Variants in LPO observed in about 807,000 individuals in gnomAD.
LPO encodes the protein lactoperoxidase.
Under a neutral mutation model 68.4 loss-of-function variants are expected in LPO, and 70 were observed. The observed-to-expected ratio is 1.02, with a 90% CI of 0.84 to 1.25. LPO has a LOEUF of 1.25. Ranked by LOEUF, LPO falls within the 50% of genes most tolerant of loss-of-function variation. The pLI is 0.00. For missense variants in LPO, 873 were observed against 908.4 expected (o/e 0.96, Z 0.50); for synonymous variants, 360 against 357.6 (o/e 1.01, Z -0.08).
At chr17:58,265,070 A>AC in intron 10 of LPO, 96 bp downstream of exon 10, 9 of 1,518,162 alleles carry the variant, frequency 5.9e-6, no homozygotes, top group Non-Finnish European at 7.1e-6. Context: ...AAGCACTTTT[A>AC]CATGACCTTG....
Position 58,264,848 on chromosome 17 carries a change from C to T in LPO, c.1393C>T (p.Arg465Cys), listed in dbSNP as rs554132860. The change falls in exon 10 of 13, where the codon CGC becomes TGC. Residue 465 changes from arginine (R) to cysteine (C), a missense_variant. Coordinates refer to ENST00000262290, the MANE Select transcript of LPO (RefSeq NM_006151.3). The part of the protein sequence containing the change: ...RISNVFTFAF[R>C]FGHLEVPSSM... ...TTCCAATGTCTTCACCTTCGCCTTCCGCTTTGGCCACTTGGAGGTCCCCTC... is the reference window on the plus strand; with the variant it reads ...TTCCAATGTCTTCACCTTCGCCTTCTGCTTTGGCCACTTGGAGGTCCCCTC... 38 of 1,614,242 alleles carry T rather than the reference C, an allele frequency of 2.4e-5. No homozygotes were observed. The highest frequency in any genetic ancestry group is 1.5e-4 in the Admixed American group (9 of 60,030).
In LPO at chr17:58,268,051, T is replaced by TCC; in HGVS notation, c.*58_*59insCC. The TCC allele has an allele frequency of 1.9e-6, 3 of 1,545,590 alleles. No individual in the cohort carries two copies. Among genetic ancestry groups the TCC allele is most frequent in the Non-Finnish European group, 2.7e-6 (3 of 1,122,588 alleles). On this transcript the variant is annotated 3_prime_UTR_variant, in exon 13 of 13. Coordinates refer to ENST00000262290, the MANE Select transcript of LPO (RefSeq NM_006151.3). ...GTCCACAGGGCCATTTCAAGCAAGT[T>TCC]CAATGACCTGGTCCCTTAGAGCTCC...
intron 12 of LPO, 37 bp downstream of exon 12, chr17:58,267,623 C>G: frequency 6.4e-7 from 1 of 1,562,628 alleles, no homozygotes; most frequent in Non-Finnish European, 8.7e-7. Flanking sequence ...AAGGGCAGGG[C>G]CCTTCTCCAA....
chr17:58,264,625 C>T, intron 9 of LPO, 97 bp from the exon 10 acceptor site: 1 of 1,335,600 alleles, frequency 7.5e-7, no homozygotes, highest in Non-Finnish European at 1.1e-6. Context: ...TGGTTTTCAA[C>T]AGCTCATCAC....
chr17:58,261,403 A>G (rs898987858), intron 9 of LPO, among the ~76,000 whole-genome samples: 3 of 152,146 alleles, frequency 2.0e-5, no homozygotes, highest in Admixed American at 1.3e-4. Flanking sequence ...TCTGAAGTCA[A>G]CTTTATCTGA....
At chr17:58,266,038 C>G in intron 10 of LPO, 115 bp from the exon 11 acceptor site, 1 of 981,516 alleles carries the variant, frequency 1.0e-6, no homozygotes, top group African/African-American at 1.6e-5. Flanking sequence ...CCTGGGATGT[C>G]CAGGTGACCC....
At chr17:58,262,388 G>T (rs765619148) in intron 9 of LPO, among the ~76,000 whole-genome samples, 1 of 152,052 alleles carries the variant, frequency 6.6e-6, no homozygotes, top group Non-Finnish European at 1.5e-5. Flanking sequence ...TTGTTTGTTT[G>T]TTTATTTCTT....
rs1256468659 is a variant in LPO, at chr17:58,250,503, G to A, written c.662G>A (p.Gly221Asp). The change falls in exon 7 of 13, where the codon GGT becomes GAT. Residue 221 changes from glycine to aspartate, a missense_variant. Gly to Asp is a moderately conservative substitution (Grantham distance 94). Coordinates refer to ENST00000262290, the MANE Select transcript of LPO (RefSeq NM_006151.3). ...QNRSLLFMQW[G>D]QIVDHDLDFA... is the part of the protein sequence containing the mutation. ...AGGTCCCTGCTCTTCATGCAGTGGGGTCAGATTGTGGATCATGACCTGGAC... is the reference window on the plus strand; with the variant it reads ...AGGTCCCTGCTCTTCATGCAGTGGGATCAGATTGTGGATCATGACCTGGAC... The A allele has an allele frequency of 1.9e-6, 3 of 1,614,164 alleles. No individual in the cohort carries two copies. Among genetic ancestry groups the A allele is most frequent in the East Asian group, 2.2e-5 (1 of 44,886 alleles).
Position 58,267,937 on chromosome 17 carries a change from G to A in LPO, c.2082G>A (p.Val694=). ...FWANSYPYDF[V]DCSAIDKLDL... ...CCAACAGCTACCCCTATGACTTCGT[G>A]GATTGCTCAGCCATCGACAAGCTGG... Residue 694 remains valine (V), a synonymous_variant, in exon 13 of 13, where the codon GTG becomes GTA. Transcript: ENST00000262290. 1.2e-6 allele frequency: 2 copies of A among 1,614,152 alleles called. No homozygotes were observed. The highest frequency in any genetic ancestry group is 2.2e-5 in the South Asian group (2 of 91,082).
Position 58,252,224 on chromosome 17 carries a change from A to C in LPO, c.823A>C (p.Met275Leu). Residue 275 changes from methionine (M) to leucine (L), a missense_variant, in exon 8 of 13, where the codon ATG becomes CTG. Met to Leu is a conservative substitution (Grantham distance 15, BLOSUM62 2). Coordinates refer to ENST00000262290, the MANE Select transcript of LPO (RefSeq NM_006151.3). ...CAAGGCGGGGACTCAAGGGAAATGC[A>C]TGCCTTTCTTCCGAGCTGGGTTCGT... Reference protein sequence around the residue: ...DPKAGTQGKCMPFFRAGFVCP... With the variant: ...DPKAGTQGKCLPFFRAGFVCP... 1 of 1,614,154 alleles carries C rather than the reference A, an allele frequency of 6.2e-7. No individual in the cohort carries two copies. The highest frequency in any genetic ancestry group is 1.3e-5 in the African/African-American group (1 of 75,038).
In LPO at chr17:58,249,645, C is replaced by A; in HGVS notation, c.523C>A (p.Pro175Thr). 6.3e-7 allele frequency: 1 copy of A among 1,597,022 alleles called. No homozygotes were observed. The highest frequency in any genetic ancestry group is 8.5e-7 in the Non-Finnish European group (1 of 1,176,816). Residue 175 changes from proline to threonine, a missense_variant, in exon 6 of 13, where the codon CCC (proline) becomes ACC (threonine). Transcript: ENST00000262290. ...PAEYEDGLSL[P>T]FGWTPGKTRN... ...GGAGTACGAGGACGGGCTCTCCCTG[C>A]CCTTCGGCTGGACGCCGGGGAAGAC...
At chr17:58,256,694 G>A (rs1401303292) in intron 9 of LPO, among the ~76,000 whole-genome samples, 2 of 151,794 alleles carry the variant, frequency 1.3e-5, no homozygotes, top group Non-Finnish European at 2.9e-5. Context: ...TGCGCCTGTA[G>A]TCCCAGCTAC....
chr17:58,246,368 G>A (rs957301453), intron 3 of LPO, among the ~76,000 whole-genome samples: 1 of 152,186 alleles, frequency 6.6e-6, no homozygotes, highest in Non-Finnish European at 1.5e-5. Flanking sequence ...GCAGCCCTGT[G>A]GAGAACGAAT....
intron 7 of LPO, 122 bp downstream of exon 7, chr17:58,250,743 T>G: frequency 1.1e-6 from 1 of 949,704 alleles, no homozygotes; most frequent in Non-Finnish European, 1.6e-6. Flanking sequence ...TAGTTTCCCA[T>G]GCCTCACGTG....
rs769089439 is a variant in LPO, at chr17:58,238,671, G to C, written c.-71G>C. On this transcript the variant is annotated 5_prime_UTR_variant, in exon 1 of 13. Transcript: ENST00000262290. The stretch of plus-strand genomic sequence containing the variant: ...CCCAGAAGTGAATTCTTGCTGGAAG[G>C]TATAAAAGACCAGCTCCTCCAAGCA... The C allele has an allele frequency of 2.0e-5, 3 of 152,092 alleles. No homozygotes were observed. The highest frequency in any genetic ancestry group is 4.4e-5 in the Non-Finnish European group (3 of 68,010). The allele number at this position is 152,092 out of a possible 1,614,324, so 9.4% of individuals were successfully genotyped here.
chr17:58,245,351 A>G (rs1969833734), intron 3 of LPO, among the ~76,000 whole-genome samples: 1 of 151,798 alleles, frequency 6.6e-6, no homozygotes, highest in African/African-American at 2.4e-5. Context: ...TTCAGTCCTC[A>G]AGGGGCCGGA....
chr17:58,251,048 G>A (rs1335268644), intron 7 of LPO: 1 of 201,480 alleles, frequency 5.0e-6, no homozygotes, highest in Non-Finnish European at 1.0e-5. Flanking sequence ...GGAGGCTGAG[G>A]TGGACAGATC....
intron 9 of LPO, 99 bp from the exon 10 acceptor site, chr17:58,264,623 A>G: frequency 7.5e-7 from 1 of 1,330,942 alleles, no homozygotes; most frequent in South Asian, 1.3e-5. Context: ...CTTGGTTTTC[A>G]ACAGCTCATC....
At position 58,238,652 on chromosome 17, in the gene LPO, A is replaced by G. The variant is rs1298660222; in HGVS notation, c.-90A>G. 6.6e-6 allele frequency: 1 copy of G among 152,150 alleles called. No individual in the cohort carries two copies. The highest frequency in any genetic ancestry group is 2.4e-5 in the African/African-American group (1 of 41,396). The allele number at this position is 152,150 out of a possible 1,614,324, so 9.4% of individuals were successfully genotyped here. ...TCTTTCCTTCTGGGCCTTTCCCAGA[A>G]GTGAATTCTTGCTGGAAGGTATAAA... On this transcript the variant is annotated 5_prime_UTR_variant, in exon 1 of 13. Coordinates refer to ENST00000262290, the MANE Select transcript of LPO (RefSeq NM_006151.3).
Sources: allele counts gnomAD v4.1 joint callset (sites outside exome capture counted in the v4.1 genomes callset), GRCh38; gene constraint gnomAD v4.1.1; transcripts MANE v1.5; gene names NCBI Gene and HGNC (gene_info 2026-07-23, HGNC 2026-07-21).